Variants in MAGI2 observed in about 807,000 individuals in gnomAD.
MAGI2 encodes the protein membrane-associated guanylate kinase, WW and PDZ domain-containing protein 2.
Under a neutral mutation model 133.3 loss-of-function variants are expected in MAGI2, and 35 were observed. The observed-to-expected ratio is 0.26, with a 90% confidence interval of 0.20 to 0.35. MAGI2 has a LOEUF of 0.35. Ranked by LOEUF, MAGI2 falls within the 10% of genes least tolerant of loss-of-function variation. The pLI, the probability that MAGI2 is intolerant of heterozygous loss-of-function variation, is 1.00. For synonymous variants in MAGI2, 729 were observed against 710.6 expected (o/e 1.03, Z -0.41); for missense variants, 1,636 against 1,863.4 (o/e 0.88, Z 2.25).
At chr7:79,419,242 C>T (rs1450296423) in intron 1 of MAGI2, among the ~76,000 whole-genome samples, 1 of 151,894 alleles carries the variant, frequency 6.6e-6, no homozygotes, top group Non-Finnish European at 1.5e-5. Context: ...ACTGAGATGC[C>T]TAGAATACCC....
chr7:79,293,888 A>T lies in MAGI2; in HGVS notation c.301+159132T>A, dbSNP rs11976082. On this transcript the variant is annotated intron_variant, in intron 1 of 21. Transcript: ENST00000354212. Reference sequence around the variant, plus strand: ...GCCTTCAAACAGTACTTCATATACAAAAGTTGTAAAGAGGCTGGGCGTGGT... The same window carrying T: ...GCCTTCAAACAGTACTTCATATACATAAGTTGTAAAGAGGCTGGGCGTGGT... Among the ~76,000 whole-genome samples, 1,019 of 152,330 alleles carry T rather than the reference A, an allele frequency of 6.7e-3. 7 individuals are homozygous for T. The highest frequency in any genetic ancestry group is 0.023 in the African/African-American group (958 of 41,576).
At chr7:78,139,714 G>A (rs1822547454) in intron 16 of MAGI2, among the ~76,000 whole-genome samples, 1 of 152,204 alleles carries the variant, frequency 6.6e-6, no homozygotes. Context: ...AAAAGTTGCA[G>A]TATGTCATTT....
At chr7:78,977,210 C>T (rs1467559865) in intron 2 of MAGI2, among the ~76,000 whole-genome samples, 1 of 151,610 alleles carries the variant, frequency 6.6e-6, no homozygotes, top group Non-Finnish European at 1.5e-5. Flanking sequence ...CTGTAGTAGT[C>T]AGGACAGTGT....
At chr7:78,778,003 A>G (rs1383119823) in intron 2 of MAGI2, among the ~76,000 whole-genome samples, 5 of 152,196 alleles carry the variant, frequency 3.3e-5, no homozygotes, top group Admixed American at 2.6e-4. Flanking sequence ...GTCTGTACCC[A>G]GCGATCATGA....
At chr7:78,135,352 A>C (rs1822002564) in intron 16 of MAGI2, 146 bp from the exon 17 acceptor site, 2 of 709,536 alleles carry the variant, frequency 2.8e-6, no homozygotes, top group South Asian at 1.9e-5. Context: ...TTTCTATCAA[A>C]TGGGGTCCTG....
chr7:78,710,538 A>G (rs178745), intron 2 of MAGI2, among the ~76,000 whole-genome samples: 103,355 of 152,076 alleles, frequency 0.68, 35,273 homozygotes, highest in East Asian at 0.84. Context: ...TTATCTGTCC[A>G]TGGCACGATA....
At chr7:78,315,845 A>G (rs1331225295) in intron 9 of MAGI2, among the ~76,000 whole-genome samples, 3 of 152,198 alleles carry the variant, frequency 2.0e-5, no homozygotes, top group East Asian at 1.9e-4. Flanking sequence ...TTCTTCATTT[A>G]CAGGAAGAAC....
chr7:78,566,942 A>G (rs1337223162), intron 3 of MAGI2, among the ~76,000 whole-genome samples: 1 of 152,154 alleles, frequency 6.6e-6, no homozygotes, highest in Non-Finnish European at 1.5e-5. Context: ...CCTATTTTAG[A>G]TATGGAAAGT....
intron 2 of MAGI2, among the ~76,000 whole-genome samples, chr7:78,699,067 G>A (rs1391089110): frequency 6.6e-6 from 1 of 152,192 alleles, no homozygotes; most frequent in Non-Finnish European, 1.5e-5. Context: ...GGGTGACTGA[G>A]AGTGACACCT....
At chr7:78,208,224 G>A (rs777604123) in intron 10 of MAGI2, among the ~76,000 whole-genome samples, 6 of 142,238 alleles carry the variant, frequency 4.2e-5, no homozygotes, top group African/African-American at 1.6e-4. Flanking sequence ...TTAAATAAAA[G>A]TGTTTTTCTT....
At chr7:78,952,258 C>A (rs1183818230) in intron 2 of MAGI2, among the ~76,000 whole-genome samples, 2 of 152,042 alleles carry the variant, frequency 1.3e-5, no homozygotes, top group African/African-American at 2.4e-5. Flanking sequence ...ATTGTCTCTG[C>A]CATTTGTGTA....
At chr7:78,189,155 G>T (rs1054014898) in intron 12 of MAGI2, among the ~76,000 whole-genome samples, 1 of 152,130 alleles carries the variant, frequency 6.6e-6, no homozygotes, top group Non-Finnish European at 1.5e-5. Context: ...TTTGTGATCA[G>T]CCATGAATTA....
At chr7:78,665,717 C>T (rs1813485932) in intron 2 of MAGI2, among the ~76,000 whole-genome samples, 1 of 151,958 alleles carries the variant, frequency 6.6e-6, no homozygotes, top group African/African-American at 2.4e-5. Context: ...AAAAAGAAAC[C>T]ATATATCTAG....
chr7:78,519,770 G>T (rs551552705), intron 4 of MAGI2, among the ~76,000 whole-genome samples: 1 of 152,288 alleles, frequency 6.6e-6, no homozygotes, highest in Admixed American at 6.5e-5. Flanking sequence ...AGGGATCAAT[G>T]ATCCTGGTTT....
chr7:78,909,540 T>A (rs548780693), intron 2 of MAGI2, among the ~76,000 whole-genome samples: 1 of 147,122 alleles, frequency 6.8e-6, no homozygotes, highest in East Asian at 2.0e-4. Flanking sequence ...GAGGCGGAGC[T>A]TGCAGTGAGC....
chr7:78,619,630 G>C (rs1327831592), intron 3 of MAGI2, among the ~76,000 whole-genome samples: 1 of 151,870 alleles, frequency 6.6e-6, no homozygotes, highest in Non-Finnish European at 1.5e-5. Flanking sequence ...CAAAAAAGCT[G>C]GGCTCAAAAA....
intron 1 of MAGI2, among the ~76,000 whole-genome samples, chr7:79,377,077 TA>T (rs1210153960): frequency 2.6e-5 from 4 of 151,874 alleles, no homozygotes; most frequent in African/African-American, 7.2e-5. Context: ...ATTTTTAAAA[TA>T]TTTTTTGTGT....
At chr7:78,683,976 G>A (rs1408883618) in intron 2 of MAGI2, among the ~76,000 whole-genome samples, 3 of 152,184 alleles carry the variant, frequency 2.0e-5, no homozygotes, top group Middle Eastern at 3.4e-3. Context: ...TAAGATTAAC[G>A]GGGCTTCTCC....
intron 1 of MAGI2, among the ~76,000 whole-genome samples, chr7:79,170,802 A>T (rs1825465132): frequency 6.6e-6 from 1 of 152,124 alleles, no homozygotes; most frequent in Non-Finnish European, 1.5e-5. Flanking sequence ...CAGGAGTGTT[A>T]TGAACAATTT....
Sources: allele counts gnomAD v4.1 joint callset (sites outside exome capture counted in the v4.1 genomes callset), GRCh38; gene constraint gnomAD v4.1.1; transcripts MANE v1.5; gene names NCBI Gene and HGNC (gene_info 2026-07-23, HGNC 2026-07-21).